Variants in GABPB2 observed in about 807,000 individuals in gnomAD.
GABPB2 encodes GA binding protein transcription factor subunit beta 2.
A neutral mutation model predicts 39.1 loss-of-function variants in GABPB2; 23 were observed. That is an observed-to-expected ratio of 0.59 (90% CI 0.42 to 0.83). GABPB2 has a LOEUF of 0.83. GABPB2 is among the 40% of genes least tolerant of loss of function. The pLI, the probability that GABPB2 is intolerant of heterozygous loss-of-function variation, is 0.00. For synonymous variants in GABPB2, 184 were observed against 199.3 expected (o/e 0.92, Z 0.65); for missense variants, 467 against 541.1 (o/e 0.86, Z 1.36).
At chr1:151,104,814 C>CTTTCTTTCTTTCTTTCTTTCCTTTCTTT (rs1402126253) in intron 6 of GABPB2, among the ~76,000 whole-genome samples, 2 of 36,256 alleles carry the variant, frequency 5.5e-5, no homozygotes, top group East Asian at 5.0e-3. Context: ...TTCTTTCTTT[C>CTTTCTTTCTTTCTTTCTTTCCTTTCTTT]CTTTCTTTCT....
chr1:151,081,095 G>A (rs1477300811), intron 1 of GABPB2, among the ~76,000 whole-genome samples: 2 of 151,066 alleles, frequency 1.3e-5, no homozygotes, highest in Admixed American at 6.6e-5. Context: ...GGATGGTCTC[G>A]GTCTCCTGAC....
chr1:151,085,223 C>A (rs1277429485), intron 1 of GABPB2, among the ~76,000 whole-genome samples: 1 of 150,004 alleles, frequency 6.7e-6, no homozygotes, highest in South Asian at 2.1e-4. Context: ...CATGGCAAAA[C>A]CCCTCTCTAC....
intron 5 of GABPB2, among the ~76,000 whole-genome samples, chr1:151,099,712 A>G (rs1679372931): frequency 6.6e-6 from 1 of 152,228 alleles, no homozygotes. Context: ...GAAGCAATGT[A>G]TGTGATATAC....
chr1:151,083,744 GTTA>G (rs1318850761), intron 1 of GABPB2, among the ~76,000 whole-genome samples: 4 of 150,614 alleles, frequency 2.7e-5, no homozygotes, highest in African/African-American at 4.9e-5. Context: ...TCATTTATTT[GTTA>G]TTATTATTTT....
Position 151,092,402 on chromosome 1 carries a change from GCCA to G in GABPB2, c.277-789_277-787del, listed in dbSNP as rs770954670. On this transcript the variant is annotated intron_variant, in intron 3 of 8. Coordinates refer to ENST00000368918, the MANE Select transcript of GABPB2 (RefSeq NM_144618.3). ...TTACAGGCGTGAGCCACCGCACCCAGCCATTTTTTTAAAATCATATTTAAAAAA... is the reference window on the plus strand; with the variant it reads ...TTACAGGCGTGAGCCACCGCACCCAGTTTTTTTAAAATCATATTTAAAAAA... Among the ~76,000 whole-genome samples the G allele has an allele frequency of 9.5e-3, 1,441 of 151,454 alleles. 10 individuals are homozygous for G. The highest frequency in any genetic ancestry group is 0.015 in the Non-Finnish European group (1,012 of 67,884).
chr1:151,077,460 G>T (rs1677270812), intron 1 of GABPB2, among the ~76,000 whole-genome samples: 1 of 149,494 alleles, frequency 6.7e-6, no homozygotes, highest in Non-Finnish European at 1.5e-5. Context: ...GGATTCAAGT[G>T]ATTCTTCTGC....
intron 1 of GABPB2, among the ~76,000 whole-genome samples, chr1:151,087,323 C>G (rs1040312413): frequency 6.6e-6 from 1 of 151,908 alleles, no homozygotes; most frequent in African/African-American, 2.4e-5. Context: ...TATATGATTA[C>G]ACGATAGTCA....
intron 1 of GABPB2, among the ~76,000 whole-genome samples, chr1:151,072,051 T>C (rs951881405): frequency 1.3e-5 from 2 of 152,354 alleles, no homozygotes; most frequent in Admixed American, 1.3e-4. Context: ...GACCATATTT[T>C]CATCTAATCA....
chr1:151,114,106 G>C (rs1283931780), intron 7 of GABPB2, among the ~76,000 whole-genome samples: 2 of 151,848 alleles, frequency 1.3e-5, no homozygotes, highest in Non-Finnish European at 2.9e-5. Flanking sequence ...AGCACTTTGG[G>C]AGGACTACGC....
chr1:151,093,377 C>A lies in GABPB2; in HGVS notation c.462C>A (p.Val154=). Residue 154 remains valine (V), a synonymous_variant, in exon 4 of 9, where the codon GTC becomes GTA. Coordinates refer to ENST00000368918, the MANE Select transcript of GABPB2 (RefSeq NM_144618.3). The part of the protein sequence containing the change: ...ALEKNNAEIL[V]ILQEAMQNQV... The stretch of plus-strand genomic sequence containing the variant: ...AGAAAAACAATGCTGAGATTTTGGT[C>A]ATCCTCCAGGTGTGGTTCTTTTTAT... The A allele has an allele frequency of 1.9e-6, 3 of 1,597,348 alleles. No homozygotes were observed. Among genetic ancestry groups the A allele is most frequent in the South Asian group, 2.3e-5 (2 of 88,342 alleles).
chr1:151,102,559 C>T (rs1679621172), intron 5 of GABPB2, among the ~76,000 whole-genome samples: 1 of 152,058 alleles, frequency 6.6e-6, no homozygotes. Context: ...TCTCTTGCCT[C>T]AGCCTCCTGA....
At position 151,122,815 on chromosome 1, in the gene GABPB2, G is replaced by A. The variant is rs908587566; in HGVS notation, c.*4559G>A. The A allele has an allele frequency of 1.3e-5, 2 of 152,020 alleles. No homozygotes were observed. Among genetic ancestry groups the A allele is most frequent in the African/African-American group, 4.8e-5 (2 of 41,374 alleles). The allele number at this position is 152,020 out of a possible 1,614,324, so 9.4% of individuals were successfully genotyped here. A position where few individuals can be genotyped will look rare whatever the true frequency, so the allele number is the denominator to read the frequency against. ...TTTTATGATGGGTCTCTGAGATAGG[G>A]CAGTTTGTTAGAGGAGAGGCTAGGG... On this transcript the variant is annotated 3_prime_UTR_variant, in exon 9 of 9. Transcript: ENST00000368918.
chr1:151,108,522 A>G (rs1004495292), intron 7 of GABPB2, among the ~76,000 whole-genome samples: 2 of 151,780 alleles, frequency 1.3e-5, no homozygotes, highest in African/African-American at 4.8e-5. Flanking sequence ...TTGTGTGTGT[A>G]ACTGGGTCTT....
intron 6 of GABPB2, among the ~76,000 whole-genome samples, chr1:151,106,165 T>C (rs774870728): frequency 6.6e-6 from 1 of 151,800 alleles, no homozygotes. Flanking sequence ...TTTCACCATG[T>C]TGGCCAGGCT....
At chr1:151,107,355 G>C in intron 7 of GABPB2, 133 bp downstream of exon 7, 2 of 415,116 alleles carry the variant, frequency 4.8e-6, no homozygotes. Flanking sequence ...AAGAAGCTCT[G>C]AAAAAGAAAA....
At chr1:151,079,674 C>T (rs1213722497) in intron 1 of GABPB2, among the ~76,000 whole-genome samples, 7 of 148,928 alleles carry the variant, frequency 4.7e-5, no homozygotes, top group Admixed American at 4.0e-4. Context: ...GCCGAGGCAG[C>T]GAATCACCTG....
chr1:151,098,953 G>A (rs766233938), intron 5 of GABPB2, among the ~76,000 whole-genome samples: 95 of 151,928 alleles, frequency 6.3e-4, no homozygotes, highest in Middle Eastern at 6.8e-3. Flanking sequence ...CTGTGGTGGT[G>A]GGTGCCTGTA....
Position 151,122,660 on chromosome 1 carries a change from A to G in GABPB2, c.*4404A>G, listed in dbSNP as rs1008542789. ...ACTAAAGGCAGAGAATGTCCATCCA[A>G]CATGCCCTTCTGACTATACAGTCAC... On this transcript the variant is annotated 3_prime_UTR_variant, in exon 9 of 9. Transcript: ENST00000368918. 6.6e-6 allele frequency: 1 copy of G among 152,044 alleles called. No individual in the cohort carries two copies. The highest frequency in any genetic ancestry group is 1.5e-5 in the Non-Finnish European group (1 of 68,024). The allele number at this position is 152,044 out of a possible 1,614,324, so 9.4% of individuals were successfully genotyped here.
At chr1:151,094,016 T>G (rs2101504179) in intron 4 of GABPB2, among the ~76,000 whole-genome samples, 1 of 149,560 alleles carries the variant, frequency 6.7e-6, no homozygotes, top group African/African-American at 2.4e-5. Flanking sequence ...CACTTCAGAA[T>G]TTAAAATTAA....
Sources: allele counts gnomAD v4.1 joint callset (sites outside exome capture counted in the v4.1 genomes callset), GRCh38; gene constraint gnomAD v4.1.1; transcripts MANE v1.5; gene names NCBI Gene and HGNC (gene_info 2026-07-23, HGNC 2026-07-21).